HCRTR2: variants seen among roughly 807,000 people sequenced by gnomAD.
The protein encoded by HCRTR2 is hypocretin receptor 2, also known as orexin receptor type 2.
A neutral mutation model predicts 49.0 loss-of-function variants in HCRTR2; 22 were observed. That is an observed-to-expected ratio of 0.45 (90% confidence interval 0.32 to 0.64). The LOEUF (loss-of-function observed/expected upper bound fraction) is 0.64, where lower values mean the gene tolerates loss of function less well. HCRTR2 is among the 30% of genes least tolerant of loss of function. The probability of loss-of-function intolerance (pLI) is 0.04; values close to 1 mark genes in which losing one functional copy is unlikely to be tolerated. For missense variants in HCRTR2, 491 were observed against 559.4 expected, an observed-to-expected ratio of 0.88 and a Z score of 1.23; for synonymous variants, 236 against 205.3, an observed-to-expected ratio of 1.15 and a Z score of -1.28.
upstream of HCRTR2, among the ~76,000 whole-genome samples, chr6:55,173,144 A>C (rs1226214891): frequency 1.3e-5 from 2 of 152,254 alleles, no homozygotes; most frequent in Non-Finnish European, 2.9e-5. Context: ...GAATCTGTGA[A>C]GCATTGTCAT....
intron 1 of HCRTR2, among the ~76,000 whole-genome samples, chr6:55,129,586 T>C (rs1035888813): frequency 2.0e-5 from 3 of 152,100 alleles, no homozygotes; most frequent in African/African-American, 7.2e-5. Context: ...TTCCAGTCTT[T>C]GTGTTCTGAC....
chr6:55,215,531 G>A (rs953484532), intron 1 of HCRTR2, among the ~76,000 whole-genome samples: 8 of 152,002 alleles, frequency 5.3e-5, no homozygotes, highest in Admixed American at 2.6e-4. Flanking sequence ...GAAAAACAAC[G>A]GGATATTATA....
At chr6:55,252,540 T>G (rs28408703) in intron 2 of HCRTR2, among the ~76,000 whole-genome samples, 1 of 151,932 alleles carries the variant, frequency 6.6e-6, no homozygotes, top group African/African-American at 2.4e-5. Context: ...AGGTTAGCAA[T>G]GGTATTGAGG....
At chr6:55,135,531 CA>C (rs1764421982) in intron 1 of HCRTR2, among the ~76,000 whole-genome samples, 1 of 152,054 alleles carries the variant, frequency 6.6e-6, no homozygotes, top group African/African-American at 2.4e-5. Flanking sequence ...TATTTTAGAG[CA>C]ATCAGTTGCT....
intron 1 of HCRTR2, among the ~76,000 whole-genome samples, chr6:55,202,596 T>C (rs1014028353): frequency 6.6e-6 from 1 of 152,198 alleles, no homozygotes; most frequent in African/African-American, 2.4e-5. Context: ...AATAAACATC[T>C]GTTGTCTCAT....
rs750090770 is a variant in HCRTR2, at chr6:55,174,584, C to A, written c.-4C>A. The A allele has an allele frequency of 6.2e-7, 1 of 1,612,392 alleles. No individual in the cohort carries two copies. The highest frequency in any genetic ancestry group is 8.5e-7 in the Non-Finnish European group (1 of 1,178,552). The stretch of plus-strand genomic sequence containing the variant: ...CATTGAGCGGAACCGGACTTGAGCC[C>A]GTGATGTCCGGCACCAAATTGGAGG... On this transcript the variant is annotated 5_prime_UTR_variant, in exon 1 of 7. Coordinates refer to ENST00000370862, the MANE Select transcript of HCRTR2 (RefSeq NM_001384272.1).
intron 4 of HCRTR2, among the ~76,000 whole-genome samples, chr6:55,267,038 G>GA (rs769115112): frequency 2.0e-5 from 3 of 152,100 alleles, no homozygotes; most frequent in Admixed American, 6.6e-5. Context: ...GATTGGAATG[G>GA]AAAATACCAA....
In HCRTR2 at chr6:55,174,677, C is replaced by A; in HGVS notation, c.90C>A (p.Asn30Lys). The A allele has an allele frequency of 2.5e-6, 4 of 1,614,046 alleles. No homozygotes were observed. The highest frequency in any genetic ancestry group is 3.4e-6 in the Non-Finnish European group (4 of 1,180,010). ...ATGAAACTCAAGAGCCCTTTTTAAA[C>A]CCCACCGACTATGACGACGAGGAAT... is the stretch of plus-strand genomic sequence containing the variant. ...ELNETQEPFL[N>K]PTDYDDEEFL... Residue 30 changes from asparagine (N) to lysine (K), a missense_variant, in exon 1 of 7, where the codon AAC becomes AAA. Asn to Lys is a moderately conservative substitution (Grantham distance 94, BLOSUM62 0). Coordinates refer to ENST00000370862, the MANE Select transcript of HCRTR2 (RefSeq NM_001384272.1).
intron 2 of HCRTR2, among the ~76,000 whole-genome samples, chr6:55,253,615 G>T (rs151193946): frequency 4.6e-5 from 7 of 151,972 alleles, no homozygotes; most frequent in South Asian, 4.2e-4. Flanking sequence ...TAACAAAAAC[G>T]TGGAATCAAC....
intron 1 of HCRTR2, among the ~76,000 whole-genome samples, chr6:55,198,416 C>T (rs1187759887): frequency 6.6e-6 from 1 of 152,156 alleles, no homozygotes; most frequent in Non-Finnish European, 1.5e-5. Context: ...AACTGTAATC[C>T]TAATGCTAAC....
chr6:55,149,948 T>C (rs889181811), intron 1 of HCRTR2, among the ~76,000 whole-genome samples: 2 of 152,022 alleles, frequency 1.3e-5, no homozygotes, highest in Non-Finnish European at 2.9e-5. Flanking sequence ...ATCAATGTTT[T>C]TTGTTAAAAA....
intron 1 of HCRTR2, among the ~76,000 whole-genome samples, chr6:55,178,487 A>G (rs924132920): frequency 9.9e-5 from 15 of 152,192 alleles, no homozygotes; most frequent in Non-Finnish European, 2.1e-4. Flanking sequence ...TACCCTCTAT[A>G]AAGACATATA....
intron 1 of HCRTR2, among the ~76,000 whole-genome samples, chr6:55,187,316 G>A (rs1765233387): frequency 6.7e-6 from 1 of 150,060 alleles, no homozygotes; most frequent in Admixed American, 6.7e-5. Context: ...GGGAAGCTGA[G>A]GCAGGAGAAT....
At chr6:55,106,801 A>G (rs1456464521) in intron 1 of HCRTR2, among the ~76,000 whole-genome samples, 1 of 152,168 alleles carries the variant, frequency 6.6e-6, no homozygotes, top group Non-Finnish European at 1.5e-5. Context: ...GGTTAAATTC[A>G]GCCTATGTGC....
chr6:55,194,095 C>CA (rs1382779516), intron 1 of HCRTR2, among the ~76,000 whole-genome samples: 13 of 151,884 alleles, frequency 8.6e-5, no homozygotes, highest in Non-Finnish European at 1.8e-4. Flanking sequence ...AAAGAAAAAA[C>CA]AAAAAACAAA....
intron 1 of HCRTR2, among the ~76,000 whole-genome samples, chr6:55,163,507 C>T (rs1764835758): frequency 1.3e-5 from 2 of 152,032 alleles, no homozygotes; most frequent in African/African-American, 4.8e-5. Flanking sequence ...ACAAACCTGA[C>T]AAAAACAAGC....
intron 1 of HCRTR2, among the ~76,000 whole-genome samples, chr6:55,116,759 C>T (rs1033386136): frequency 2.0e-5 from 3 of 149,714 alleles, no homozygotes; most frequent in African/African-American, 4.9e-5. Flanking sequence ...GATCAGAAGC[C>T]TCTCCTCAAA....
rs577474113 is a variant in HCRTR2 at position 55,159,636 on chromosome 6, A to G, written c.-377-14575A>G. 5.9e-4 allele frequency among the ~76,000 whole-genome samples: 90 copies of G among 152,356 alleles called. 1 individual carries two copies. Among genetic ancestry groups the G allele is most frequent in the Middle Eastern group, 3.4e-3 (1 of 294 alleles). ...AACTAGAATAACCAGTTTAGAGAAG[A>G]GCATAAATGACCTGATGGAGCTGAA... On this transcript the variant is annotated intron_variant, in intron 1 of 7. Coordinates refer to the HCRTR2 transcript ENST00000615358.
chr6:55,149,876 GT>G, intron 1 of HCRTR2, among the ~76,000 whole-genome samples: 2 of 152,042 alleles, frequency 1.3e-5, no homozygotes, highest in East Asian at 3.9e-4. Context: ...CATTTAGAAT[GT>G]TTGATAAAGC....
Sources: gnomAD v4.1 joint callset for allele counts (sites outside exome capture counted in the v4.1 genomes callset) on GRCh38, gnomAD v4.1.1 for gene constraint, MANE v1.5 for transcripts, NCBI Gene and HGNC (gene_info 2026-07-23, HGNC 2026-07-21) for gene names.